The following AVEN variants were observed in gnomAD, a reference collection of about 807,000 sequenced individuals.
The protein encoded by AVEN is apoptosis and caspase activation inhibitor.
AVEN carries 41 observed loss-of-function variants against 38.1 expected under a neutral mutation model. The ratio of observed to expected loss-of-function variants is 1.08; its 90% confidence interval spans 0.84 to 1.40. The LOEUF (loss-of-function observed/expected upper bound fraction) is 1.40, where lower values mean the gene tolerates loss of function less well. AVEN is among the 40% of genes most tolerant of loss of function. AVEN has a pLI of 0.00. For missense variants in AVEN, 605 were observed against 438.8 expected (o/e 1.38, Z -3.38); for synonymous variants, 206 against 171.8 (o/e 1.20, Z -1.56).
chr15:33,980,168 T>C (rs1896071782), intron 2 of AVEN, among the ~76,000 whole-genome samples: 1 of 152,184 alleles, frequency 6.6e-6, no homozygotes, highest in South Asian at 2.1e-4. Flanking sequence ...CCTAAACATG[T>C]AGAGCTGAAG....
chr15:33,920,489 G>A (rs1010598254), intron 2 of AVEN, among the ~76,000 whole-genome samples: 4 of 152,032 alleles, frequency 2.6e-5, no homozygotes, highest in East Asian at 3.9e-4. Flanking sequence ...TCAATATCAC[G>A]GTATTCCTTT....
At chr15:33,944,799 A>G (rs1894449034) in intron 2 of AVEN, among the ~76,000 whole-genome samples, 1 of 151,262 alleles carries the variant, frequency 6.6e-6, no homozygotes, top group Non-Finnish European at 1.5e-5. Context: ...ACAGAGTGAG[A>G]CTCAGTCTCG....
At chr15:33,863,674 G>A (rs770415666), downstream of AVEN, among the ~76,000 whole-genome samples, 18 of 152,006 alleles carry the variant, frequency 1.2e-4, no homozygotes, top group Admixed American at 3.3e-4. Flanking sequence ...CTATAGTTCT[G>A]GAAGAATCTC....
chr15:33,874,246 C>T (rs1891129013), intron 3 of AVEN, among the ~76,000 whole-genome samples: 1 of 152,094 alleles, frequency 6.6e-6, no homozygotes. Context: ...GTTATTACCT[C>T]CATTTTACAG....
intron 2 of AVEN, among the ~76,000 whole-genome samples, chr15:33,937,553 T>C (rs1182837354): frequency 2.0e-5 from 3 of 151,766 alleles, no homozygotes; most frequent in African/African-American, 7.3e-5. Flanking sequence ...AATAAATCCT[T>C]CTACGGACTA....
chr15:33,922,336 G>C lies in AVEN; in HGVS notation c.446-46341C>G, dbSNP rs577097579. 7.2e-5 allele frequency among the ~76,000 whole-genome samples: 11 copies of C among 152,314 alleles called. No individual in the cohort carries two copies. The South Asian group carries it at 2.3e-3, about 32-fold the overall frequency. ...AGAGAGGACCTGGAGAGTAGGGATGGATGGCTATCCTGTACCTGAGGACTA... is the reference window on the plus strand; with the variant it reads ...AGAGAGGACCTGGAGAGTAGGGATGCATGGCTATCCTGTACCTGAGGACTA... On this transcript the variant is annotated intron_variant, in intron 2 of 5. Coordinates refer to ENST00000306730, the MANE Select transcript of AVEN (RefSeq NM_020371.3).
chr15:33,862,238 G>C (rs544841031), downstream of AVEN, among the ~76,000 whole-genome samples: 1 of 152,128 alleles, frequency 6.6e-6, no homozygotes, highest in Non-Finnish European at 1.5e-5. Flanking sequence ...GATAGATAGG[G>C]TCTCAACCCC....
At chr15:33,857,967 C>T, downstream of AVEN, 1 of 1,604,398 alleles carries the variant, frequency 6.2e-7, no homozygotes, top group Non-Finnish European at 8.5e-7. Flanking sequence ...GCCACCCCGC[C>T]CCACCACCTC....
Position 33,867,743 on chromosome 15 carries a change from A to AAGATGGGCCCCCTTCCTCCAGGCCC in AVEN, c.700_724dup (p.Phe242TrpfsTer10), listed in dbSNP as rs1312904693. 6 of 1,614,174 alleles carry AAGATGGGCCCCCTTCCTCCAGGCCC rather than the reference A, an allele frequency of 3.7e-6. No individual in the cohort carries two copies. In the Admixed American group the frequency reaches 8.3e-5, roughly 22 times the overall value. ...GCCAGCAGCCACAGATTTCAGCTCA[A>AAGATGGGCCCCCTTCCTCCAGGCCC]AGATGGGCCCCCTTCCTCCAGGCCC... is the stretch of plus-strand genomic sequence containing the variant. On this transcript the variant is annotated frameshift_variant, in exon 5 of 6. Transcript: ENST00000306730. LOFTEE classifies it high-confidence loss of function.
chr15:33,989,862 G>T (rs1417839607), intron 2 of AVEN, among the ~76,000 whole-genome samples: 2 of 150,408 alleles, frequency 1.3e-5, no homozygotes, highest in Non-Finnish European at 3.0e-5. Flanking sequence ...ATCATACAAA[G>T]AAGAGACAAT....
At chr15:33,886,825 G>A (rs1891720900) in intron 2 of AVEN, among the ~76,000 whole-genome samples, 1 of 152,210 alleles carries the variant, frequency 6.6e-6, no homozygotes, top group Non-Finnish European at 1.5e-5. Context: ...GAGTCCAGCA[G>A]TCAAAGGCTG....
chr15:33,871,774 C>CAAAA (rs55793582), intron 3 of AVEN, among the ~76,000 whole-genome samples: 2 of 91,580 alleles, frequency 2.2e-5, no homozygotes, highest in East Asian at 3.2e-4. Flanking sequence ...CTAGTCTCCT[C>CAAAA]AAAAAAAAAA....
At chr15:34,036,639 C>T (rs1444830108) in intron 1 of AVEN, among the ~76,000 whole-genome samples, 3 of 152,118 alleles carry the variant, frequency 2.0e-5, no homozygotes, top group Non-Finnish European at 4.4e-5. Flanking sequence ...CCAATCCAAA[C>T]CAAAATTAAG....
chr15:33,890,042 C>T (rs932624323), intron 2 of AVEN, among the ~76,000 whole-genome samples: 6 of 152,210 alleles, frequency 3.9e-5, no homozygotes, highest in African/African-American at 1.4e-4. Context: ...CCCTCTCCGA[C>T]GTGCCAAACT....
At chr15:33,937,145 A>ATCCTTCTACGGACTAAATGGT (rs1894101782) in intron 2 of AVEN, among the ~76,000 whole-genome samples, 1 of 150,904 alleles carries the variant, frequency 6.6e-6, no homozygotes, top group African/African-American at 2.4e-5. Context: ...AAAAAAAAAA[A>ATCCTTCTACGGACTAAATGGT]AAAAGACCAA....
chr15:33,876,906 TC>T (rs1379999533), intron 2 of AVEN, among the ~76,000 whole-genome samples: 1 of 152,064 alleles, frequency 6.6e-6, no homozygotes, highest in Non-Finnish European at 1.5e-5. Flanking sequence ...AAGTAAAAGC[TC>T]CCCACATTTT....
chr15:33,919,962 C>A (rs1893328550), intron 2 of AVEN, among the ~76,000 whole-genome samples: 1 of 152,126 alleles, frequency 6.6e-6, no homozygotes, highest in Non-Finnish European at 1.5e-5. Flanking sequence ...TCCCAGTATG[C>A]CTACTCTTTA....
At chr15:34,040,652 G>A (rs1899433118), upstream of AVEN, among the ~76,000 whole-genome samples, 1 of 152,002 alleles carries the variant, frequency 6.6e-6, no homozygotes, top group African/African-American at 2.4e-5. Flanking sequence ...TTACAGGCCA[G>A]GTGTGTGGTT....
Position 34,063,002 on chromosome 15 carries a change from C to G in AVEN, n.1557G>C. On this transcript the variant is annotated non_coding_transcript_exon_variant, in exon 5 of 12. Coordinates refer to the AVEN transcript ENST00000675287. The surrounding 1 kb of genome is among the most constrained non-coding windows in gnomAD (Gnocchi z 4.1). ...ACACCACCTACATCCTCATGGGACG[C>G]TGGGCTCTCGGGAGTCTGGCTTGTG... The G allele has an allele frequency of 6.2e-7, 1 of 1,614,222 alleles. No homozygotes were observed. The highest frequency in any genetic ancestry group is 1.1e-5 in the South Asian group (1 of 91,080).
Sources: gnomAD v4.1 joint callset for allele counts (sites outside exome capture counted in the v4.1 genomes callset) on GRCh38, gnomAD v4.1.1 for gene constraint, Gnocchi (gnomAD v3.1) non-coding constraint, MANE v1.5 for transcripts, NCBI Gene and HGNC (gene_info 2026-07-23, HGNC 2026-07-21) for gene names.